Variants in DLG2 observed in about 807,000 individuals in gnomAD.
DLG2 encodes the protein discs large MAGUK scaffold protein 2.
In DLG2, 45 loss-of-function variants were observed where a neutral mutation model predicts 132.5. The observed-to-expected ratio is 0.34, with a 90% CI of 0.27 to 0.44. The LOEUF is 0.44. DLG2 is among the 20% of genes least tolerant of loss of function. DLG2 has a pLI of 1.00. For synonymous variants in DLG2, 424 were observed against 419.6 expected (o/e 1.01, Z -0.13); for missense variants, 1,045 against 1,196.9 (o/e 0.87, Z 1.87).
chr11:84,308,093 G>A lies in DLG2; in HGVS notation c.520-56802C>T, dbSNP rs115776158. 2.8e-3 allele frequency among the ~76,000 whole-genome samples: 431 copies of A among 152,292 alleles called. 1 individual carries two copies. The highest frequency in any genetic ancestry group is 9.3e-3 in the African/African-American group (386 of 41,558). Reference sequence around the variant, plus strand: ...AAGTAGACCCCAGCAGGTTGCCACTGCTGGCTCTGGGAGCAGCCTGCTTTT... The same window carrying A: ...AAGTAGACCCCAGCAGGTTGCCACTACTGGCTCTGGGAGCAGCCTGCTTTT... On this transcript the variant is annotated intron_variant, in intron 7 of 27. Transcript: ENST00000376104.
chr11:83,783,542 A>C (rs1410567318), intron 18 of DLG2, among the ~76,000 whole-genome samples: 1 of 152,146 alleles, frequency 6.6e-6, no homozygotes, highest in African/African-American at 2.4e-5. Context: ...ACCTTTAATT[A>C]CCTTCAAGTG....
intron 16 of DLG2, among the ~76,000 whole-genome samples, chr11:83,838,853 T>C (rs892675008): frequency 6.6e-6 from 1 of 152,122 alleles, no homozygotes; most frequent in African/African-American, 2.4e-5. Flanking sequence ...GTATTTCTTG[T>C]ACTCATACTC....
chr11:83,478,398 C>T (rs1285474151), intron 22 of DLG2, among the ~76,000 whole-genome samples: 2 of 152,066 alleles, frequency 1.3e-5, no homozygotes, highest in Admixed American at 6.6e-5. Flanking sequence ...CCAGTTCCAA[C>T]TCTTCTCTCT....
At chr11:84,824,784 GT>G (rs1238199668) in intron 6 of DLG2, among the ~76,000 whole-genome samples, 1 of 151,888 alleles carries the variant, frequency 6.6e-6, no homozygotes, top group Non-Finnish European at 1.5e-5. Context: ...TCAGGCTTAA[GT>G]GTCGCAACAC....
In DLG2 at chr11:83,748,239, C is replaced by T. The variant is rs76441308; in HGVS notation, c.1825+38451G>A. Among the ~76,000 whole-genome samples the T allele has an allele frequency of 2.4e-3, 361 of 152,288 alleles. 12 individuals are homozygous for T. The East Asian group carries it at 0.063, about 27-fold the overall frequency. ...TTACACTTGACATGTTCTCCCAGGA[C>T]GATATCACTGATTACTACAGTTCTA... On this transcript the variant is annotated intron_variant, in intron 18 of 27. Coordinates refer to ENST00000376104, the MANE Select transcript of DLG2 (RefSeq NM_001142699.3).
At chr11:84,072,226 A>G (rs1284442604) in intron 10 of DLG2, among the ~76,000 whole-genome samples, 2 of 152,300 alleles carry the variant, frequency 1.3e-5, no homozygotes, top group East Asian at 3.9e-4. Context: ...TCTTTCCACA[A>G]TCTGATTGCT....
intron 17 of DLG2, among the ~76,000 whole-genome samples, chr11:83,793,412 A>G (rs1323838342): frequency 6.6e-6 from 1 of 152,186 alleles, no homozygotes; most frequent in East Asian, 1.9e-4. Context: ...TTTAATCTTT[A>G]GCCATTTAAT....
At chr11:84,041,038 A>G (rs1014760433) in intron 11 of DLG2, among the ~76,000 whole-genome samples, 1 of 151,694 alleles carries the variant, frequency 6.6e-6, no homozygotes, top group Non-Finnish European at 1.5e-5. Flanking sequence ...TTGTTGGTGT[A>G]TAAGAATGCT....
intron 8 of DLG2, among the ~76,000 whole-genome samples, chr11:84,228,501 TC>T (rs35862354): frequency 6.6e-6 from 1 of 152,188 alleles, no homozygotes; most frequent in Non-Finnish European, 1.5e-5. Flanking sequence ...GAAAAATAAT[TC>T]CAAGTGGTTC....
intron 17 of DLG2, among the ~76,000 whole-genome samples, chr11:83,833,293 T>C (rs2055100106): frequency 6.6e-6 from 1 of 151,908 alleles, no homozygotes; most frequent in Non-Finnish European, 1.5e-5. Context: ...CAAAAATTAG[T>C]CGGATGTGGC....
At chr11:83,492,701 T>A (rs540939052) in intron 21 of DLG2, among the ~76,000 whole-genome samples, 2 of 152,136 alleles carry the variant, frequency 1.3e-5, no homozygotes, top group Admixed American at 6.6e-5. Flanking sequence ...ACGCCTCTCT[T>A]TCTCTCATAC....
intron 7 of DLG2, among the ~76,000 whole-genome samples, chr11:84,362,282 T>C (rs2098654179): frequency 1.3e-5 from 2 of 151,918 alleles, no homozygotes; most frequent in Admixed American, 1.3e-4. Flanking sequence ...AAAGAGTAAA[T>C]GCCTTCATAA....
At chr11:84,812,291 T>C (rs1036279945) in intron 6 of DLG2, among the ~76,000 whole-genome samples, 8 of 152,180 alleles carry the variant, frequency 5.3e-5, no homozygotes, top group South Asian at 2.1e-4. Flanking sequence ...ACTGGAATAA[T>C]TGAACTTTAT....
At chr11:84,368,926 A>G (rs2154427558) in intron 7 of DLG2, among the ~76,000 whole-genome samples, 1 of 152,286 alleles carries the variant, frequency 6.6e-6, no homozygotes, top group Non-Finnish European at 1.5e-5. Context: ...AGAGTCCAGT[A>G]TACTGCATAA....
At chr11:85,418,523 T>A (rs559071551) in intron 3 of DLG2, among the ~76,000 whole-genome samples, 1 of 152,306 alleles carries the variant, frequency 6.6e-6, no homozygotes, top group East Asian at 1.9e-4. Flanking sequence ...CATTGATCTG[T>A]CTAATATTGA....
chr11:85,241,423 T>G (rs142462804), intron 4 of DLG2, among the ~76,000 whole-genome samples: 63 of 152,036 alleles, frequency 4.1e-4, no homozygotes, highest in African/African-American at 1.5e-3. Flanking sequence ...TTCCCATATA[T>G]TGCCAAACAG....
rs193259460 is a variant in DLG2, at chr11:83,945,712, G to C, written c.1341-15229C>G. Among the ~76,000 whole-genome samples, 295 of 151,820 alleles carry C rather than the reference G, an allele frequency of 1.9e-3. 4 individuals are homozygous for C. The highest frequency in any genetic ancestry group is 7.0e-3 in the African/African-American group (290 of 41,414). ...TGTGTTTGGTAACTCTTGCTCAGGA[G>C]CAATGATTTTCTTTGCACATTATCA... On this transcript the variant is annotated intron_variant, in intron 14 of 27. Coordinates refer to ENST00000376104, the MANE Select transcript of DLG2 (RefSeq NM_001142699.3).
At chr11:84,641,979 A>G (rs1005199372) in intron 6 of DLG2, among the ~76,000 whole-genome samples, 8 of 142,844 alleles carry the variant, frequency 5.6e-5, no homozygotes, top group Non-Finnish European at 1.1e-4. Context: ...ATATGTATGC[A>G]TGTGTGTATG....
At position 84,463,847 on chromosome 11, in the gene DLG2, T is replaced by C. The variant is rs1463801196; in HGVS notation, c.519+70723A>G. ...GTCCCTGAAAATAAGAGGCATACAA[T>C]ACCAGACTTGATCGACCTATTATAC... On this transcript the variant is annotated intron_variant, in intron 7 of 27. Transcript: ENST00000376104. 3.3e-5 allele frequency among the ~76,000 whole-genome samples: 5 copies of C among 151,240 alleles called. No homozygotes were observed. In the East Asian group the frequency reaches 7.8e-4, roughly 24 times the overall value.
Sources: allele counts gnomAD v4.1 joint callset (sites outside exome capture counted in the v4.1 genomes callset), GRCh38; gene constraint gnomAD v4.1.1; transcripts MANE v1.5; gene names NCBI Gene and HGNC (gene_info 2026-07-23, HGNC 2026-07-21).